Variants in GDAP2 observed in about 807,000 individuals in gnomAD.
The protein encoded by GDAP2 is ganglioside-induced differentiation-associated protein 2.
In GDAP2, 51 loss-of-function variants were observed where a neutral mutation model predicts 67.0. The observed-to-expected ratio is 0.76, with a 90% confidence interval of 0.61 to 0.96. GDAP2 has a LOEUF of 0.96. Ranked by LOEUF, GDAP2 falls within the 40% of genes least tolerant of loss-of-function variation. The pLI is 0.00. For missense variants in GDAP2, 547 were observed against 588.3 expected (o/e 0.93, Z 0.73); for synonymous variants, 203 against 207.3 (o/e 0.98, Z 0.18).
chr1:117,869,122 C>CA lies in GDAP2; in HGVS notation c.*1446_*1447insT, dbSNP rs1648171237. 6.7e-6 allele frequency: 1 copy of CA among 148,782 alleles called. No homozygotes were observed. The highest frequency in any genetic ancestry group is 1.5e-5 in the Non-Finnish European group (1 of 66,928). The allele number at this position is 148,782 out of a possible 1,614,324, so 9.2% of individuals were successfully genotyped here. A position where few individuals can be genotyped will look rare whatever the true frequency, so the allele number is the denominator to read the frequency against. ...CACATGATAGAACAGAAAGGTTCTG[C>CA]TTTTTTTTTTCTCTGAACTGCCAAT... On this transcript the variant is annotated 3_prime_UTR_variant, in exon 14 of 14. Transcript: ENST00000369443.
intron 10 of GDAP2, among the ~76,000 whole-genome samples, chr1:117,884,867 C>T (rs939646199): frequency 1.3e-5 from 2 of 150,622 alleles, no homozygotes; most frequent in African/African-American, 4.9e-5. Flanking sequence ...GAGACAGGGT[C>T]GCTCTCTGTC....
At chr1:117,920,076 T>C (rs1176397826) in intron 2 of GDAP2, 106 bp downstream of exon 2, 1 of 656,270 alleles carries the variant, frequency 1.5e-6, no homozygotes, top group Non-Finnish European at 2.7e-6. Flanking sequence ...GTCATATACG[T>C]ATACGCAAAG....
chr1:117,924,501 C>T (rs1445171582), intron 1 of GDAP2, among the ~76,000 whole-genome samples: 1 of 152,176 alleles, frequency 6.6e-6, no homozygotes, highest in Non-Finnish European at 1.5e-5. Flanking sequence ...ATGGTTTTCA[C>T]GTTTGTTGTC....
At chr1:117,905,298 TTGAA>T (rs569220057) in intron 6 of GDAP2, among the ~76,000 whole-genome samples, 151 of 152,354 alleles carry the variant, frequency 9.9e-4, no homozygotes, top group African/African-American at 3.6e-3. Context: ...ACACAAGGCC[TTGAA>T]TGATCTTATC....
At position 117,929,532 on chromosome 1, in the gene GDAP2, C is replaced by T. The variant is rs1345944655; in HGVS notation, c.-152G>A. 1 of 152,682 alleles carries T rather than the reference C, an allele frequency of 6.5e-6. No homozygotes were observed. The highest frequency in any genetic ancestry group is 2.4e-5 in the African/African-American group (1 of 41,482). 9.5% of individuals were successfully genotyped at this position (152,682 alleles called of 1,614,324 possible). A position where few individuals can be genotyped will look rare whatever the true frequency, so the allele number is the denominator to read the frequency against. ...CGGCCGAGCGACATCTCCGGCGACC[C>T]TCAGCAGGAGCGCGCCGAGTACGGC... On this transcript the variant is annotated 5_prime_UTR_variant, in exon 1 of 14. Transcript: ENST00000369443.
intron 13 of GDAP2, among the ~76,000 whole-genome samples, chr1:117,874,645 G>A (rs568203022): frequency 1.3e-5 from 2 of 152,324 alleles, no homozygotes; most frequent in Non-Finnish European, 2.9e-5. Flanking sequence ...TTGGAACTGG[G>A]TAATGGGCAG....
chr1:117,916,162 C>A (rs1219796338), intron 3 of GDAP2, among the ~76,000 whole-genome samples: 1 of 152,156 alleles, frequency 6.6e-6, no homozygotes, highest in Non-Finnish European at 1.5e-5. Context: ...AGAAGTACTG[C>A]AGGCTGGCAG....
chr1:117,928,461 T>C (rs1650541549), intron 1 of GDAP2, among the ~76,000 whole-genome samples: 1 of 152,206 alleles, frequency 6.6e-6, no homozygotes, highest in Non-Finnish European at 1.5e-5. Flanking sequence ...ATATTAACCA[T>C]ACATACCCAC....
Position 117,868,743 on chromosome 1 carries a change from G to A in GDAP2, c.*1826C>T, listed in dbSNP as rs1648160173. On this transcript the variant is annotated 3_prime_UTR_variant, in exon 14 of 14. Coordinates refer to ENST00000369443, the MANE Select transcript of GDAP2 (RefSeq NM_017686.4). ...GACTTTTAAGGTACAGTGCCCAAGG[G>A]GTTAAAAAAAAAGTACTGTTTGAGA... The A allele has an allele frequency of 6.6e-6, 1 of 151,662 alleles. No individual in the cohort carries two copies. Among genetic ancestry groups the A allele is most frequent in the South Asian group, 2.1e-4 (1 of 4,714 alleles). 9.4% of individuals were successfully genotyped at this position (151,662 alleles called of 1,614,324 possible). A position where few individuals can be genotyped will look rare whatever the true frequency, so the allele number is the denominator to read the frequency against.
At chr1:117,901,725 T>G (rs1196054642) in intron 6 of GDAP2, among the ~76,000 whole-genome samples, 1 of 152,242 alleles carries the variant, frequency 6.6e-6, no homozygotes, top group Admixed American at 6.5e-5. Context: ...TTTCACATCT[T>G]AAAGCTTTCT....
At chr1:117,884,813 C>CATGTGTGTGTGTGTGT (rs376358688) in intron 10 of GDAP2, among the ~76,000 whole-genome samples, 2 of 147,862 alleles carry the variant, frequency 1.4e-5, no homozygotes, top group Non-Finnish European at 3.0e-5. Context: ...TTATTCCCTC[C>CATGTGTGTGTGTGTGT]GTGTGTGTGT....
chr1:117,865,824 T>A lies in GDAP2; in HGVS notation c.*4745A>T, dbSNP rs1437858942. On this transcript the variant is annotated 3_prime_UTR_variant, in exon 14 of 14. Coordinates refer to ENST00000369443, the MANE Select transcript of GDAP2 (RefSeq NM_017686.4). Reference sequence around the variant, plus strand: ...AAAAAATAACTAATATACAAGAGAGTCACTAATATCTAAAATGATCTTGAT... The same window carrying A: ...AAAAAATAACTAATATACAAGAGAGACACTAATATCTAAAATGATCTTGAT... 1 of 151,972 alleles carries A rather than the reference T, an allele frequency of 6.6e-6. No homozygotes were observed. The highest frequency in any genetic ancestry group is 2.4e-5 in the African/African-American group (1 of 41,372). 9.4% of individuals were successfully genotyped at this position (151,972 alleles called of 1,614,324 possible). A position where few individuals can be genotyped will look rare whatever the true frequency, so the allele number is the denominator to read the frequency against.
rs1172226183 is a variant in GDAP2 at position 117,869,016 on chromosome 1, A to C, written c.*1553T>G. 1 of 152,206 alleles carries C rather than the reference A, an allele frequency of 6.6e-6. No homozygotes were observed. Among genetic ancestry groups the C allele is most frequent in the African/African-American group, 2.4e-5 (1 of 41,452 alleles). The allele number at this position is 152,206 out of a possible 1,614,324, so 9.4% of individuals were successfully genotyped here. On this transcript the variant is annotated 3_prime_UTR_variant, in exon 14 of 14. Coordinates refer to ENST00000369443, the MANE Select transcript of GDAP2 (RefSeq NM_017686.4). Reference sequence around the variant, plus strand: ...AGGGGCATTTCCCTATCATAAATGAAGAGAATATGTTTCTTTGATCTCCAA... The same window carrying C: ...AGGGGCATTTCCCTATCATAAATGACGAGAATATGTTTCTTTGATCTCCAA...
chr1:117,895,722 A>T (rs1256483415), intron 8 of GDAP2, among the ~76,000 whole-genome samples: 1 of 152,190 alleles, frequency 6.6e-6, no homozygotes, highest in Non-Finnish European at 1.5e-5. Flanking sequence ...AGTGGCTCAT[A>T]CGCTTTTGTT....
chr1:117,921,986 C>T (rs1168096866), intron 1 of GDAP2, among the ~76,000 whole-genome samples: 1 of 151,934 alleles, frequency 6.6e-6, no homozygotes, highest in Non-Finnish European at 1.5e-5. Context: ...AAATGTTATG[C>T]TATTTACCGA....
chr1:117,864,830 C>T lies in GDAP2; in HGVS notation c.*5739G>A, dbSNP rs565658811. The T allele has an allele frequency of 3.3e-5, 5 of 152,224 alleles. No homozygotes were observed. The highest frequency in any genetic ancestry group is 2.6e-4 in the Admixed American group (4 of 15,282). 9.4% of individuals were successfully genotyped at this position (152,224 alleles called of 1,614,324 possible). A position where few individuals can be genotyped will look rare whatever the true frequency, so the allele number is the denominator to read the frequency against. ...TGTGAATGTCGTCTTCAGGAGGTAA[C>T]TTCTATTATCACCAACCTCACAGGA... On this transcript the variant is annotated 3_prime_UTR_variant, in exon 14 of 14. Transcript: ENST00000369443.
At chr1:117,916,179 C>T (rs1183869218) in intron 3 of GDAP2, among the ~76,000 whole-genome samples, 1 of 152,142 alleles carries the variant, frequency 6.6e-6, no homozygotes, top group East Asian at 1.9e-4. Flanking sequence ...GCAGCACATA[C>T]TATGGGTGGT....
chr1:117,863,961 A>G lies in GDAP2; in HGVS notation c.*6608T>C, dbSNP rs2101108442. 6.6e-6 allele frequency: 1 copy of G among 152,206 alleles called. No individual in the cohort carries two copies. Among genetic ancestry groups the G allele is most frequent in the East Asian group, 1.9e-4 (1 of 5,200 alleles). 9.4% of individuals were successfully genotyped at this position (152,206 alleles called of 1,614,324 possible). On this transcript the variant is annotated 3_prime_UTR_variant, in exon 14 of 14. Coordinates refer to ENST00000369443, the MANE Select transcript of GDAP2 (RefSeq NM_017686.4). The stretch of plus-strand genomic sequence containing the variant: ...TTAATATTATCCCTGTTGAATACAC[A>G]AAAACACTGAGGTTCAGAAAAAGTT...
At chr1:117,921,195 G>A (rs1391212882) in intron 1 of GDAP2, among the ~76,000 whole-genome samples, 6 of 151,974 alleles carry the variant, frequency 3.9e-5, no homozygotes, top group Non-Finnish European at 8.8e-5. Context: ...TCTTTGTATT[G>A]TGTCACTGCA....
Sources: gnomAD v4.1 joint callset for allele counts (sites outside exome capture counted in the v4.1 genomes callset) on GRCh38, gnomAD v4.1.1 for gene constraint, MANE v1.5 for transcripts, NCBI Gene and HGNC (gene_info 2026-07-23, HGNC 2026-07-21) for gene names.